The following AP3M1 variants were observed in gnomAD, a reference collection of about 807,000 sequenced individuals.
AP3M1 encodes the protein adaptor related protein complex 3 subunit mu 1, also known as AP-3 complex subunit mu-1.
A neutral mutation model predicts 42.6 loss-of-function variants in AP3M1; 29 were observed. The ratio of observed to expected loss-of-function variants is 0.68; its 90% CI spans 0.51 to 0.93. AP3M1 has a LOEUF of 0.93. AP3M1 is among the 40% of genes least tolerant of loss of function. The probability of loss-of-function intolerance (pLI) is 0.00; values close to 1 mark genes in which losing one functional copy is unlikely to be tolerated. For synonymous variants in AP3M1, 178 were observed against 175.3 expected (o/e 1.02, Z -0.12); for missense variants, 416 against 510.2 (o/e 0.82, Z 1.78).
chr10:74,140,634 G>A lies in AP3M1; in HGVS notation c.-3-2252C>T, dbSNP rs942490510. On this transcript the variant is annotated intron_variant, in intron 1 of 8. Coordinates refer to ENST00000355264, the MANE Select transcript of AP3M1 (RefSeq NM_012095.6). ...AAAAAAAAAAAGGAACAACGAAGAT[G>A]GATAACTCGTGCTTCCTGATTTCAA... is the stretch of plus-strand genomic sequence containing the variant. Among the ~76,000 whole-genome samples the A allele has an allele frequency of 1.1e-4, 17 of 151,506 alleles. 1 individual carries two copies. The highest frequency in any genetic ancestry group is 2.2e-4 in the Non-Finnish European group (15 of 67,914).
intron 1 of AP3M1, among the ~76,000 whole-genome samples, chr10:74,142,389 A>G (rs1180851149): frequency 6.6e-6 from 1 of 152,238 alleles, no homozygotes; most frequent in East Asian, 1.9e-4. Context: ...GTTGACAGAA[A>G]ACAACATCAA....
chr10:74,138,455 C>T (rs1325147057), intron 1 of AP3M1, 73 bp from the exon 2 acceptor site: 7 of 1,375,706 alleles, frequency 5.1e-6, no homozygotes, highest in Non-Finnish European at 6.9e-6. Flanking sequence ...AGATTATACA[C>T]CTTGACCAAG....
At chr10:74,147,485 G>T (rs1205512078) in intron 1 of AP3M1, among the ~76,000 whole-genome samples, 1 of 151,750 alleles carries the variant, frequency 6.6e-6, no homozygotes, top group Non-Finnish European at 1.5e-5. Flanking sequence ...TATATTTAGG[G>T]GTACCAGATG....
chr10:74,150,561 G>C (rs1448940953), intron 1 of AP3M1, 194 bp downstream of exon 1: 2 of 152,868 alleles, frequency 1.3e-5, no homozygotes, highest in Admixed American at 6.5e-5. Flanking sequence ...CTGGGCTGCA[G>C]GTGGACCGCT....
At chr10:74,126,903 G>A (rs1346112708) in intron 6 of AP3M1, among the ~76,000 whole-genome samples, 6 of 147,416 alleles carry the variant, frequency 4.1e-5, no homozygotes, top group East Asian at 4.0e-4. Context: ...CCTGGGAAGC[G>A]GAGATTGCAG....
rs1277700449 is a variant in AP3M1 at position 74,134,043 on chromosome 10, T to C, written c.567A>G (p.Ala189=). The C allele has an allele frequency of 6.2e-7, 1 of 1,614,022 alleles. No homozygotes were observed. The highest frequency in any genetic ancestry group is 2.2e-5 in the East Asian group (1 of 44,900). The stretch of plus-strand genomic sequence containing the variant: ...CACAATTACCTGATTTATCTATAAT[T>C]GCGTCTATTTCTTCAACAACATCAA... ...AYFDVVEEID[A]IIDKSGSTVF... is the part of the protein sequence containing the mutation. Residue 189 remains alanine (A), a synonymous_variant, in exon 4 of 9, where the codon GCA becomes GCG. Coordinates refer to ENST00000355264, the MANE Select transcript of AP3M1 (RefSeq NM_012095.6).
At chr10:74,126,412 AGAGCT>A in intron 6 of AP3M1, 57 bp from the exon 7 acceptor site, 1 of 1,406,360 alleles carries the variant, frequency 7.1e-7, no homozygotes, top group Non-Finnish European at 9.9e-7. Context: ...TGGTGTGGGG[AGAGCT>A]CCAGAGGTAT....
chr10:74,138,706 G>A (rs780313862), intron 1 of AP3M1: 3 of 189,764 alleles, frequency 1.6e-5, no homozygotes, highest in Non-Finnish European at 3.2e-5. Flanking sequence ...TGAGGTGGGC[G>A]GATTGCTTGA....
chr10:74,123,923 G>T lies in AP3M1; in HGVS notation c.1157-13C>A. The T allele has an allele frequency of 1.3e-6, 2 of 1,595,060 alleles. No homozygotes were observed. Among genetic ancestry groups the T allele is most frequent in the Non-Finnish European group, 1.7e-6 (2 of 1,163,222 alleles). On this transcript the variant is annotated splice_polypyrimidine_tract_variant and intron_variant, in intron 8 of 8. Coordinates refer to ENST00000355264, the MANE Select transcript of AP3M1 (RefSeq NM_012095.6). The stretch of plus-strand genomic sequence containing the variant: ...TTTACTTTTAAGCCTGTATCAAAAA[G>T]AATGAAAAAGAATAAATTATCATCA...
At position 74,136,562 on chromosome 10, in the gene AP3M1, C is replaced by T. The variant is rs568951427; in HGVS notation, c.445+70G>A. 1.9e-5 allele frequency: 23 copies of T among 1,232,680 alleles called. No individual in the cohort carries two copies. The African/African-American group carries it at 3.0e-4, about 16-fold the overall frequency. 76.4% of individuals were successfully genotyped at this position (1,232,680 alleles called of 1,614,324 possible). A position where few individuals can be genotyped will look rare whatever the true frequency, so the allele number is the denominator to read the frequency against. Reference sequence around the variant, plus strand: ...GTACTACCTTAATAATATGTCAGATCATGAGCAATAATGAGTTGTTTACAA... The same window carrying T: ...GTACTACCTTAATAATATGTCAGATTATGAGCAATAATGAGTTGTTTACAA... On this transcript the variant is annotated intron_variant, in intron 3 of 8. Coordinates refer to ENST00000355264, the MANE Select transcript of AP3M1 (RefSeq NM_012095.6).
chr10:74,129,281 T>C, intron 5 of AP3M1, 40 bp from the exon 6 acceptor site: 1 of 1,604,550 alleles, frequency 6.2e-7, no homozygotes, highest in Non-Finnish European at 8.5e-7. Flanking sequence ...TAGACTATAA[T>C]GAATATGGGA....
chr10:74,136,464 G>T (rs1315257338), intron 3 of AP3M1, among the ~76,000 whole-genome samples, 168 bp downstream of exon 3: 2 of 151,746 alleles, frequency 1.3e-5, no homozygotes, highest in Middle Eastern at 3.2e-3. Flanking sequence ...TTAAGGTCTA[G>T]CCTCTTTCCA....
chr10:74,144,830 T>G (rs1841282840), intron 1 of AP3M1, among the ~76,000 whole-genome samples: 1 of 151,786 alleles, frequency 6.6e-6, no homozygotes, highest in African/African-American at 2.4e-5. Context: ...GCCCAGCTAA[T>G]TTTTTGTATT....
Position 74,121,692 on chromosome 10 carries a change from C to G in AP3M1, c.*2118G>C, listed in dbSNP as rs1458413547. ...ATGCAGAAGAAAATCTGATCATGTT[C>G]ACCCTGCTTTGACAATGAGCCTTGC... is the stretch of plus-strand genomic sequence containing the variant. On this transcript the variant is annotated 3_prime_UTR_variant, in exon 9 of 9. Coordinates refer to ENST00000355264, the MANE Select transcript of AP3M1 (RefSeq NM_012095.6). 1.3e-5 allele frequency: 2 copies of G among 152,334 alleles called. No homozygotes were observed. Among genetic ancestry groups the G allele is most frequent in the East Asian group, 3.9e-4 (2 of 5,188 alleles). The allele number at this position is 152,334 out of a possible 1,614,324, so 9.4% of individuals were successfully genotyped here. A position where few individuals can be genotyped will look rare whatever the true frequency, so the allele number is the denominator to read the frequency against.
chr10:74,141,255 T>C (rs1261561663), intron 1 of AP3M1, among the ~76,000 whole-genome samples: 1 of 151,620 alleles, frequency 6.6e-6, no homozygotes, highest in Non-Finnish European at 1.5e-5. Flanking sequence ...TGAGACCCCG[T>C]CTCTATAAAA....
In AP3M1 at chr10:74,127,212, C is replaced by T. The variant is rs114985102; in HGVS notation, c.804-857G>A. Among the ~76,000 whole-genome samples the T allele has an allele frequency of 3.4e-3, 514 of 152,072 alleles. 1 individual carries two copies. Among genetic ancestry groups the T allele is most frequent in the African/African-American group, 0.011 (475 of 41,480 alleles). Reference sequence around the variant, plus strand: ...TTTTGCAACCAGTCCTCCAAGGATACCAAGATGGCAGTACCTCTAGAACTG... The same window carrying T: ...TTTTGCAACCAGTCCTCCAAGGATATCAAGATGGCAGTACCTCTAGAACTG... On this transcript the variant is annotated intron_variant, in intron 6 of 8. Transcript: ENST00000355264.
Position 74,138,256 on chromosome 10 carries a change from C to G in AP3M1, c.124G>C (p.Val42Leu). 4 of 1,613,940 alleles carry G rather than the reference C, an allele frequency of 2.5e-6. No homozygotes were observed. In the Middle Eastern group the frequency reaches 6.6e-4, roughly 266 times the overall value. Residue 42 changes from valine to leucine, a missense_variant, in exon 2 of 9, where the codon GTT (valine) becomes CTT (leucine). Physicochemically the swap from Val to Leu is conservative, Grantham distance 32. Transcript: ENST00000355264. ...GAAATGACAGGTGGTACATTTTCAA[C>G]ATCAGCAGCTTTCTCTTGAGCTTCA... ...FFEAQEKAAD[V>L]ENVPPVISTP...
chr10:74,134,096 C>G lies in AP3M1; in HGVS notation c.514G>C (p.Val172Leu). Reference protein sequence around the residue: ...LSNIPWRRAGVKYTNNEAYFD... With the variant: ...LSNIPWRRAGLKYTNNEAYFD... ...TAGGCTTCATTGTTTGTGTACTTTA[C>G]CCCTGCCCGACGCCATGGTATGTTG... The change falls in exon 4 of 9, where the codon GTA becomes CTA. Residue 172 changes from valine (V) to leucine (L), a missense_variant. Val to Leu is a conservative substitution (Grantham distance 32, BLOSUM62 1). Transcript: ENST00000355264. 1 of 1,614,176 alleles carries G rather than the reference C, an allele frequency of 6.2e-7. No homozygotes were observed. The highest frequency in any genetic ancestry group is 8.5e-7 in the Non-Finnish European group (1 of 1,180,012).
intron 4 of AP3M1, among the ~76,000 whole-genome samples, chr10:74,133,023 C>A (rs1840826931): frequency 6.6e-6 from 1 of 152,090 alleles, no homozygotes; most frequent in African/African-American, 2.4e-5. Flanking sequence ...GAGGCCAAGG[C>A]AGGTGGATCA....
Sources: allele counts gnomAD v4.1 joint callset (sites outside exome capture counted in the v4.1 genomes callset), GRCh38; gene constraint gnomAD v4.1.1; transcripts MANE v1.5; gene names NCBI Gene and HGNC (gene_info 2026-07-23, HGNC 2026-07-21).